ERO1B: variants seen among roughly 807,000 people sequenced by gnomAD.
The protein encoded by ERO1B is endoplasmic reticulum oxidoreductase 1 beta, also known as ERO1-like protein beta.
Under a neutral mutation model 75.3 loss-of-function variants are expected in ERO1B, and 49 were observed. The observed-to-expected ratio is 0.65, with a 90% CI of 0.52 to 0.83. ERO1B has a LOEUF of 0.83. Among genes scored for constraint, ERO1B ranks in the 40% least tolerant of loss-of-function variants. ERO1B has a pLI of 0.00. For synonymous variants in ERO1B, 191 were observed against 192.9 expected (o/e 0.99, Z 0.08); for missense variants, 512 against 560.1 (o/e 0.91, Z 0.87).
At chr1:236,267,737 A>T (rs1369947988) in intron 2 of ERO1B, 3 of 152,268 alleles carry the variant, frequency 2.0e-5, no homozygotes, top group Non-Finnish European at 4.4e-5. Flanking sequence ...ACTTAGATTT[A>T]TAGATTTAGT....
At chr1:236,272,388 A>C (rs1412386590) in intron 1 of ERO1B, among the ~76,000 whole-genome samples, 1 of 152,220 alleles carries the variant, frequency 6.6e-6, no homozygotes, top group Admixed American at 6.5e-5. Flanking sequence ...CATTTTAAAA[A>C]AATGAAATAA....
rs950833647 is a variant in ERO1B at position 236,281,850 on chromosome 1, C to G, written c.-67G>C. 1.1e-4 allele frequency: 132 copies of G among 1,224,394 alleles called. No homozygotes were observed. The highest frequency in any genetic ancestry group is 1.3e-4 in the Non-Finnish European group (126 of 941,850). 75.8% of individuals were successfully genotyped at this position (1,224,394 alleles called of 1,614,324 possible). A position where few individuals can be genotyped will look rare whatever the true frequency, so the allele number is the denominator to read the frequency against. On this transcript the variant is annotated 5_prime_UTR_variant, in exon 1 of 16. Transcript: ENST00000354619. ...GCCGGGGAACGACGGGCGGCCCAGG[C>G]GACGACCCAAGGGGACGGTTCCCAG... is the stretch of plus-strand genomic sequence containing the variant.
intron 1 of ERO1B, among the ~76,000 whole-genome samples, chr1:236,273,801 G>A (rs1218137024): frequency 1.4e-5 from 1 of 69,562 alleles, no homozygotes; most frequent in Non-Finnish European, 2.7e-5. Flanking sequence ...GCGAGACCTT[G>A]TCTCAAAAGA....
chr1:236,237,367 G>A (rs58384157), intron 6 of ERO1B, among the ~76,000 whole-genome samples: 10,383 of 151,986 alleles, frequency 0.068, 741 homozygotes, highest in East Asian at 0.39. Flanking sequence ...CACCTGCCTC[G>A]GCCTCCCAAA....
intron 6 of ERO1B, among the ~76,000 whole-genome samples, chr1:236,240,061 C>T (rs1292407208): frequency 1.3e-5 from 2 of 151,252 alleles, no homozygotes; most frequent in Non-Finnish European, 2.9e-5. Context: ...TGTACCACCA[C>T]GCCTGGCTAG....
intron 2 of ERO1B, among the ~76,000 whole-genome samples, chr1:236,260,890 GA>G (rs1408185679): frequency 1.3e-5 from 2 of 151,706 alleles, no homozygotes; most frequent in East Asian, 1.9e-4. Flanking sequence ...CAGCCCTGAT[GA>G]AAAAAAATGC....
At chr1:236,244,334 A>C (rs763671964) in intron 5 of ERO1B, among the ~76,000 whole-genome samples, 2 of 152,208 alleles carry the variant, frequency 1.3e-5, no homozygotes, top group African/African-American at 2.4e-5. Flanking sequence ...AAGCCACTAC[A>C]AAGAAGTGTA....
intron 5 of ERO1B, among the ~76,000 whole-genome samples, chr1:236,243,846 AT>A (rs1166898874): frequency 6.6e-6 from 1 of 152,130 alleles, no homozygotes; most frequent in East Asian, 1.9e-4. Flanking sequence ...CGTTAAACGT[AT>A]TTTTTCCGAA....
Position 236,220,921 on chromosome 1 carries a change from T to C in ERO1B, c.1254A>G (p.Lys418=), listed in dbSNP as rs1286505653. 6.2e-7 allele frequency: 1 copy of C among 1,603,354 alleles called. No homozygotes were observed. The highest frequency in any genetic ancestry group is 1.3e-5 in the African/African-American group (1 of 74,632). ...GTALKILFSE[K]EIQKLPENSP... is the part of the protein sequence containing the mutation. ...TATTCTCTGGAAGCTTTTGGATTTC[T>C]TTTTCAGAGAATAATATCTTCAGGG... The change falls in exon 15 of 16, where the codon AAA becomes AAG. Residue 418 remains lysine (K), a synonymous_variant. Coordinates refer to ENST00000354619, the MANE Select transcript of ERO1B (RefSeq NM_019891.4).
Position 236,216,303 on chromosome 1 carries a change from C to T in ERO1B, c.*2213G>A, listed in dbSNP as rs1271057367. On this transcript the variant is annotated 3_prime_UTR_variant, in exon 16 of 16. Transcript: ENST00000354619. ...GCATTTTTACAATGCAAACAGTACT[C>T]TAGTATAATATCACTTCACGACAAA... is the stretch of plus-strand genomic sequence containing the variant. 1 of 152,028 alleles carries T rather than the reference C, an allele frequency of 6.6e-6. No homozygotes were observed. The highest frequency in any genetic ancestry group is 1.5e-5 in the Non-Finnish European group (1 of 67,968). The allele number at this position is 152,028 out of a possible 1,614,324, so 9.4% of individuals were successfully genotyped here.
chr1:236,237,263 G>A (rs1203647279), intron 6 of ERO1B, among the ~76,000 whole-genome samples: 1 of 151,784 alleles, frequency 6.6e-6, no homozygotes, highest in African/African-American at 2.4e-5. Context: ...GGTACTACAG[G>A]TGCGCACCAC....
intron 2 of ERO1B, among the ~76,000 whole-genome samples, chr1:236,254,859 T>A (rs1665122661): frequency 6.6e-6 from 1 of 151,966 alleles, no homozygotes; most frequent in African/African-American, 2.4e-5. Flanking sequence ...GTGACCCGCC[T>A]GCCTTGGCCT....
At position 236,239,863 on chromosome 1, in the gene ERO1B, A is replaced by ATATATGTG. The variant is rs1558510907; in HGVS notation, c.506-3466_506-3465insCACATATA. Among the ~76,000 whole-genome samples, 428 of 130,004 alleles carry ATATATGTG rather than the reference A, an allele frequency of 3.3e-3. 13 individuals are homozygous for ATATATGTG. Among genetic ancestry groups the ATATATGTG allele is most frequent in the African/African-American group, 0.011 (389 of 34,722 alleles). 85.3% of individuals were successfully genotyped at this position (130,004 alleles called of 152,430 possible). On this transcript the variant is annotated intron_variant, in intron 6 of 15. Coordinates refer to ENST00000354619, the MANE Select transcript of ERO1B (RefSeq NM_019891.4). ...TATATATATATGTGTATATATGTAT[A>ATATATGTG]TATATATGTGTATATGTGTGTGTGT... is the stretch of plus-strand genomic sequence containing the variant.
intron 4 of ERO1B, 79 bp from the exon 5 acceptor site, chr1:236,250,046 T>G: frequency 1.1e-6 from 1 of 894,370 alleles, no homozygotes; most frequent in Non-Finnish European, 1.7e-6. Flanking sequence ...ATAATCAATC[T>G]GTCAACAATG....
At chr1:236,227,928 G>A (rs1168485322) in intron 10 of ERO1B, among the ~76,000 whole-genome samples, 1 of 152,096 alleles carries the variant, frequency 6.6e-6, no homozygotes, top group Non-Finnish European at 1.5e-5. Context: ...AAAAGTATAT[G>A]ACAATTTTGA....
chr1:236,231,499 TG>T (rs1664406737), intron 9 of ERO1B, among the ~76,000 whole-genome samples: 1 of 115,748 alleles, frequency 8.6e-6, no homozygotes. Flanking sequence ...GTTAAACACT[TG>T]AAAAAAAAAA....
chr1:236,274,332 T>C (rs1175935106), intron 1 of ERO1B, among the ~76,000 whole-genome samples: 1 of 152,144 alleles, frequency 6.6e-6, no homozygotes, highest in East Asian at 1.9e-4. Flanking sequence ...TTTTTGCCAA[T>C]CTAGTTAGCA....
chr1:236,239,857 ATG>A (rs1553371273), intron 6 of ERO1B, among the ~76,000 whole-genome samples: 13 of 39,740 alleles, frequency 3.3e-4, no homozygotes, highest in African/African-American at 1.1e-3. Context: ...ATGTGTATAT[ATG>A]TATATATATA....
chr1:236,248,850 A>G (rs1263443301), intron 5 of ERO1B, among the ~76,000 whole-genome samples: 4 of 152,100 alleles, frequency 2.6e-5, no homozygotes, highest in Non-Finnish European at 5.9e-5. Flanking sequence ...CTTAAAACAT[A>G]TGGCAAAAAA....
Sources: gnomAD v4.1 joint callset for allele counts (sites outside exome capture counted in the v4.1 genomes callset) on GRCh38, gnomAD v4.1.1 for gene constraint, MANE v1.5 for transcripts, NCBI Gene and HGNC (gene_info 2026-07-23, HGNC 2026-07-21) for gene names.